The following AFAP1 variants were observed in gnomAD, a reference collection of about 807,000 sequenced individuals.
The protein encoded by AFAP1 is actin filament-associated protein 1.
A neutral mutation model predicts 93.9 loss-of-function variants in AFAP1; 75 were observed. That is an observed-to-expected ratio of 0.80 (90% CI 0.66 to 0.97). The LOEUF (loss-of-function observed/expected upper bound fraction) is 0.97. AFAP1 is among the 50% of genes least tolerant of loss of function. The probability of loss-of-function intolerance (pLI) is 0.00; values close to 1 mark genes in which losing one functional copy is unlikely to be tolerated. For synonymous variants in AFAP1, 517 were observed against 430.7 expected, an observed-to-expected ratio of 1.20 and a Z score of -2.48; for missense variants, 1,201 against 1,050.8, an observed-to-expected ratio of 1.14 and a Z score of -1.98.
intron 6 of AFAP1, among the ~76,000 whole-genome samples, chr4:7,830,226 T>C (rs1412914078): frequency 2.0e-5 from 3 of 152,156 alleles, no homozygotes; most frequent in Non-Finnish European, 4.4e-5. Flanking sequence ...AAAGAATACA[T>C]ACAAAATAGT....
Position 7,868,681 on chromosome 4 carries a change from C to T in AFAP1, c.166G>A (p.Ala56Thr), listed in dbSNP as rs781344176. ...VKDHAQKQET[A>T]NSLPAPPQMP... The stretch of plus-strand genomic sequence containing the variant: ...TGAGGAGGGGCTGGCAGGCTGTTAG[C>T]GGTCTCCTGCTTCTGAGCATGGTCC... The change falls in exon 3 of 18, where the codon GCT (alanine) becomes ACT (threonine). Residue 56 changes from alanine to threonine, a missense_variant. Ala to Thr is a moderately conservative substitution (Grantham distance 58). Coordinates refer to ENST00000420658, the MANE Select transcript of AFAP1 (RefSeq NM_001134647.2). 40 of 1,613,176 alleles carry T rather than the reference C, an allele frequency of 2.5e-5. No individual in the cohort carries two copies. Among genetic ancestry groups the T allele is most frequent in the East Asian group, 4.5e-5 (2 of 44,862 alleles).
In AFAP1 at chr4:7,774,888, T is replaced by C. The variant is rs1715938424; in HGVS notation, c.1913A>G (p.Lys638Arg). 1.9e-6 allele frequency: 3 copies of C among 1,613,804 alleles called. No individual in the cohort carries two copies. The highest frequency in any genetic ancestry group is 2.5e-6 in the Non-Finnish European group (3 of 1,179,992). Residue 638 changes from lysine (K) to arginine (R), a missense_variant, in exon 15 of 18, where the codon AAG becomes AGG. By Grantham distance (26) the Lys-to-Arg change is conservative. Coordinates refer to ENST00000420658, the MANE Select transcript of AFAP1 (RefSeq NM_001134647.2). ...KRTGSNAAQY[K>R]YGKNRVEADA... The stretch of plus-strand genomic sequence containing the variant: ...TGCTTCTACCCGGTTCTTGCCATAC[T>C]TGTACTGGGCAGCATCTTGAGAAGA...
chr4:7,805,139 G>A (rs868151404), intron 9 of AFAP1, among the ~76,000 whole-genome samples: 4 of 152,252 alleles, frequency 2.6e-5, no homozygotes, highest in Middle Eastern at 6.8e-3. Flanking sequence ...GGCATCAAGC[G>A]GTCCTCTCCC....
Position 7,881,648 on chromosome 4 carries a change from T to C in AFAP1, c.-2-9568A>G, listed in dbSNP as rs537868801. 3.9e-5 allele frequency among the ~76,000 whole-genome samples: 6 copies of C among 152,246 alleles called. No individual in the cohort carries two copies. The South Asian group carries it at 1.2e-3, about 32-fold the overall frequency. ...AAATACAAAAATTAGCCGGGCATGG[T>C]GGCACACGCCTGTAGTCCCAGCTAC... On this transcript the variant is annotated intron_variant, in intron 1 of 17. Coordinates refer to ENST00000420658, the MANE Select transcript of AFAP1 (RefSeq NM_001134647.2).
At chr4:7,916,549 T>C (rs1720093784) in intron 1 of AFAP1, among the ~76,000 whole-genome samples, 1 of 152,172 alleles carries the variant, frequency 6.6e-6, no homozygotes, top group Non-Finnish European at 1.5e-5. Context: ...TCAAGTCCAC[T>C]TACTATGATA....
intron 1 of AFAP1, among the ~76,000 whole-genome samples, chr4:7,938,251 T>C (rs1359670021): frequency 6.6e-6 from 1 of 152,108 alleles, no homozygotes; most frequent in South Asian, 2.1e-4. Flanking sequence ...ACAGCTGCGG[T>C]AATTAGCTCA....
At chr4:7,783,384 C>T (rs559092416) in intron 12 of AFAP1, among the ~76,000 whole-genome samples, 63 of 152,302 alleles carry the variant, frequency 4.1e-4, no homozygotes, top group African/African-American at 1.5e-3. Flanking sequence ...AAGTGATCTG[C>T]CCACCTCTGC....
chr4:7,761,609 T>C lies in AFAP1; in HGVS notation c.*2156A>G, dbSNP rs1213877180. 1 of 152,282 alleles carries C rather than the reference T, an allele frequency of 6.6e-6. No individual in the cohort carries two copies. The highest frequency in any genetic ancestry group is 6.5e-5 in the Admixed American group (1 of 15,280). 9.4% of individuals were successfully genotyped at this position (152,282 alleles called of 1,614,324 possible). On this transcript the variant is annotated 3_prime_UTR_variant, in exon 18 of 18. Coordinates refer to ENST00000420658, the MANE Select transcript of AFAP1 (RefSeq NM_001134647.2). ...TCAGGCTGGCCATCTCCCCCTTCTC[T>C]TACTAACCACCAAAACCTCACACAG... is the stretch of plus-strand genomic sequence containing the variant.
intron 3 of AFAP1, among the ~76,000 whole-genome samples, chr4:7,865,036 TA>T (rs759723624): frequency 1.1e-4 from 16 of 150,982 alleles, no homozygotes; most frequent in African/African-American, 3.7e-4. Flanking sequence ...CATCAACTAT[TA>T]AAAAAAAAGA....
intron 10 of AFAP1, 110 bp downstream of exon 10, chr4:7,800,332 C>T: frequency 8.9e-7 from 1 of 1,129,374 alleles, no homozygotes; most frequent in Non-Finnish European, 1.3e-6. Flanking sequence ...AAAAGAGGTA[C>T]TGTCAGCGAG....
intron 1 of AFAP1, among the ~76,000 whole-genome samples, chr4:7,877,462 T>C (rs2149192347): frequency 6.6e-6 from 1 of 152,368 alleles, no homozygotes; most frequent in Admixed American, 6.5e-5. Flanking sequence ...TGCCAGGCAC[T>C]GTTCTAAGCC....
intron 16 of AFAP1, among the ~76,000 whole-genome samples, chr4:7,770,705 C>G (rs533887753): frequency 1.3e-5 from 2 of 152,240 alleles, no homozygotes; most frequent in Non-Finnish European, 2.9e-5. Context: ...AGGATGAGAT[C>G]GAGGCACTGA....
chr4:7,875,421 TC>T (rs1422169925), intron 1 of AFAP1, among the ~76,000 whole-genome samples: 3 of 152,198 alleles, frequency 2.0e-5, no homozygotes, highest in Non-Finnish European at 2.9e-5. Context: ...AAGGTCTTTT[TC>T]ATTAATCAAT....
chr4:7,871,606 AG>A (rs1717053439), intron 2 of AFAP1, among the ~76,000 whole-genome samples: 1 of 152,222 alleles, frequency 6.6e-6, no homozygotes, highest in Non-Finnish European at 1.5e-5. Flanking sequence ...CCGATCTGCC[AG>A]TCGGACTGTG....
intron 3 of AFAP1, chr4:7,862,124 G>A (rs1293303947): frequency 6.6e-6 from 1 of 152,188 alleles, no homozygotes; most frequent in African/African-American, 2.4e-5. Flanking sequence ...CTTAAGCCCA[G>A]GAGTTCAAGA....
In AFAP1 at chr4:7,838,006, C is replaced by T. The variant is rs567197477; in HGVS notation, c.726+518G>A. On this transcript the variant is annotated intron_variant, in intron 6 of 17. Transcript: ENST00000420658. ...TCCAGCCTGGGCAACAGAGCCAAGC[C>T]TTGTTTCAACAAACAAAGAAAAAAG... is the stretch of plus-strand genomic sequence containing the variant. Among the ~76,000 whole-genome samples, 89 of 152,220 alleles carry T rather than the reference C, an allele frequency of 5.8e-4. 1 individual carries two copies. The South Asian group carries it at 0.017, about 29-fold the overall frequency.
chr4:7,769,782 G>T (rs533360574), intron 16 of AFAP1, among the ~76,000 whole-genome samples: 1 of 152,354 alleles, frequency 6.6e-6, no homozygotes, highest in Non-Finnish European at 1.5e-5. Flanking sequence ...TATTGTTTTA[G>T]AACAGTGTTT....
chr4:7,931,081 G>A (rs954791733), intron 1 of AFAP1, among the ~76,000 whole-genome samples: 10 of 152,166 alleles, frequency 6.6e-5, no homozygotes, highest in African/African-American at 2.2e-4. Flanking sequence ...TGAGAGGATA[G>A]GGGAGAAAAA....
Position 7,816,092 on chromosome 4 carries a change from G to A in AFAP1, c.830C>T (p.Ser277Phe), listed in dbSNP as rs376906405. Residue 277 changes from serine to phenylalanine, a missense_variant, in exon 8 of 18, where the codon TCT (serine) becomes TTT (phenylalanine). Ser to Phe is a radical substitution (Grantham distance 155). Transcript: ENST00000420658. Reference protein sequence around the residue: ...VHKAELEKKLSSERPSSDGEG... With the variant: ...VHKAELEKKLFSERPSSDGEG... ...CCCATCTGAGCTGGGTCTCTCTGAA[G>A]ACAGTTTCTGTAAGGAGAAAAAGAT... is the stretch of plus-strand genomic sequence containing the variant. 3.1e-6 allele frequency: 5 copies of A among 1,611,410 alleles called. No homozygotes were observed. The highest frequency in any genetic ancestry group is 4.2e-6 in the Non-Finnish European group (5 of 1,178,980).
Sources: allele counts gnomAD v4.1 joint callset (sites outside exome capture counted in the v4.1 genomes callset), GRCh38; gene constraint gnomAD v4.1.1; transcripts MANE v1.5; gene names NCBI Gene and HGNC (gene_info 2026-07-23, HGNC 2026-07-21).